The following TM4SF5 variants were observed in gnomAD, a reference collection of about 807,000 sequenced individuals.
TM4SF5 encodes transmembrane 4 L6 family member 5.
A neutral mutation model predicts 22.3 loss-of-function variants in TM4SF5; 16 were observed. The observed-to-expected ratio is 0.72, with a 90% CI of 0.49 to 1.09. TM4SF5 has a LOEUF of 1.09. Among genes scored for constraint, TM4SF5 ranks in the 50% least tolerant of loss-of-function variants. The probability of loss-of-function intolerance (pLI) is 0.00; values close to 1 mark genes in which losing one functional copy is unlikely to be tolerated. For synonymous variants in TM4SF5, 113 were observed against 109.6 expected, an observed-to-expected ratio of 1.03 and a Z score of -0.19; for missense variants, 249 against 266.1, an observed-to-expected ratio of 0.94 and a Z score of 0.45.
At chr17:4,776,544 C>A (rs150566256) in intron 1 of TM4SF5, among the ~76,000 whole-genome samples, 1 of 152,158 alleles carries the variant, frequency 6.6e-6, no homozygotes, top group Non-Finnish European at 1.5e-5. Context: ...TTAGGTGATC[C>A]GCCTGCCTCG....
At chr17:4,779,390 C>T (rs1187029746) in intron 1 of TM4SF5, among the ~76,000 whole-genome samples, 1 of 152,042 alleles carries the variant, frequency 6.6e-6, no homozygotes, top group Non-Finnish European at 1.5e-5. Flanking sequence ...GATCAAGCCA[C>T]TGCATTCCAG....
Position 4,772,092 on chromosome 17 carries a change from G to T in TM4SF5, c.170G>T (p.Gly57Val). 1.2e-6 allele frequency: 2 copies of T among 1,614,204 alleles called. No individual in the cohort carries two copies. The highest frequency in any genetic ancestry group is 1.7e-6 in the Non-Finnish European group (2 of 1,180,050). The change falls in exon 1 of 5, where the codon GGC becomes GTC. Residue 57 changes from glycine to valine, a missense_variant. Transcript: ENST00000270560. ...CTCATGGGCGGCTTCATTGGCGGGGGCCTAATGGTGAGAAGGCTGGCAGGG... is the reference window on the plus strand; with the variant it reads ...CTCATGGGCGGCTTCATTGGCGGGGTCCTAATGGTGAGAAGGCTGGCAGGG... ...VWLMGGFIGG[G>V]LMVLCPGIAA...
At chr17:4,776,227 T>C (rs567498830) in intron 1 of TM4SF5, among the ~76,000 whole-genome samples, 15 of 152,172 alleles carry the variant, frequency 9.9e-5, no homozygotes, top group Admixed American at 5.9e-4. Context: ...TTTTCTTTTT[T>C]TCTTATACAT....
chr17:4,782,081 C>G (rs1028847859), intron 2 of TM4SF5, among the ~76,000 whole-genome samples: 2 of 133,622 alleles, frequency 1.5e-5, no homozygotes, highest in Admixed American at 1.7e-4. Flanking sequence ...AAACAGAGTC[C>G]GAATTTCTAA....
intron 1 of TM4SF5, among the ~76,000 whole-genome samples, chr17:4,773,829 C>T (rs1435818127): frequency 6.6e-6 from 1 of 152,180 alleles, no homozygotes. Flanking sequence ...CCCATCTAAC[C>T]AGCTTGCTTC....
intron 1 of TM4SF5, 68 bp downstream of exon 1, chr17:4,772,167 G>A: frequency 1.3e-6 from 2 of 1,572,882 alleles, no homozygotes; most frequent in Non-Finnish European, 1.7e-6. Flanking sequence ...TGAACAGGAG[G>A]GAGAGGGAGA....
Position 4,771,969 on chromosome 17 carries a change from C to T in TM4SF5, c.47C>T (p.Thr16Ile). 1 of 1,614,210 alleles carries T rather than the reference C, an allele frequency of 6.2e-7. No individual in the cohort carries two copies. The highest frequency in any genetic ancestry group is 8.5e-7 in the Non-Finnish European group (1 of 1,180,038). The change falls in exon 1 of 5, where the codon ACC (threonine) becomes ATC (isoleucine). Residue 16 changes from threonine to isoleucine, a missense_variant. By Grantham distance (89) the Thr-to-Ile change is moderately conservative (BLOSUM62 -1). Transcript: ENST00000270560. ...CGCTGTGTGGGGCTCTCCCTCATTACCCTCTGCCTCGTCTGCATTGTGGCC... is the reference window on the plus strand; with the variant it reads ...CGCTGTGTGGGGCTCTCCCTCATTATCCTCTGCCTCGTCTGCATTGTGGCC... The part of the protein sequence containing the change: ...CARCVGLSLI[T>I]LCLVCIVANA...
intron 1 of TM4SF5, among the ~76,000 whole-genome samples, chr17:4,772,705 G>A (rs1597296083): frequency 6.7e-6 from 1 of 149,216 alleles, no homozygotes; most frequent in East Asian, 2.0e-4. Context: ...GTTGGTTTTT[G>A]TGTTTGTTTT....
chr17:4,772,430 T>C (rs1486165066), intron 1 of TM4SF5, among the ~76,000 whole-genome samples: 2 of 152,144 alleles, frequency 1.3e-5, no homozygotes, highest in African/African-American at 4.8e-5. Flanking sequence ...AAGGAGCAGC[T>C]GGTTGTCAGA....
intron 1 of TM4SF5, among the ~76,000 whole-genome samples, chr17:4,773,515 G>A (rs964059698): frequency 7.9e-5 from 12 of 152,138 alleles, no homozygotes; most frequent in Non-Finnish European, 1.5e-4. Context: ...AGGACAGTTG[G>A]CTAATGACAT....
chr17:4,782,364 C>T, intron 2 of TM4SF5, 139 bp from the exon 3 acceptor site: 3 of 1,024,232 alleles, frequency 2.9e-6, no homozygotes, highest in East Asian at 5.0e-5. Flanking sequence ...CAGGGGTGAG[C>T]CACCGCGCCC....
chr17:4,783,193 T>C lies in TM4SF5; in HGVS notation c.*65T>C. 1.2e-6 allele frequency: 2 copies of C among 1,606,942 alleles called. No homozygotes were observed. Among genetic ancestry groups the C allele is most frequent in the Non-Finnish European group, 1.7e-6 (2 of 1,175,052 alleles). ...ACGCTCACTCCCTTGCTCGCTAGAA[T>C]AAACTGCTTTGCGCTCTCTTCTCTG... On this transcript the variant is annotated 3_prime_UTR_variant, in exon 5 of 5. Transcript: ENST00000270560.
intron 3 of TM4SF5, 68 bp from the exon 4 acceptor site, chr17:4,782,785 CG>C: frequency 6.4e-7 from 1 of 1,574,238 alleles, no homozygotes; most frequent in Non-Finnish European, 8.6e-7. Flanking sequence ...TCCCCTGGGA[CG>C]TATTCTTGGG....
intron 1 of TM4SF5, among the ~76,000 whole-genome samples, chr17:4,778,741 C>T (rs1308008259): frequency 6.6e-6 from 1 of 152,070 alleles, no homozygotes; most frequent in Non-Finnish European, 1.5e-5. Context: ...GGCTTAAATG[C>T]CTTACAAGAG....
rs775628977 is a variant in TM4SF5, at chr17:4,783,140, C to G, written c.*12C>G. The G allele has an allele frequency of 4.3e-6, 7 of 1,613,772 alleles. No individual in the cohort carries two copies. Among genetic ancestry groups the G allele is most frequent in the Non-Finnish European group, 5.1e-6 (6 of 1,179,982 alleles). The stretch of plus-strand genomic sequence containing the variant: ...ACACACCTCACTGAGGCTCCACTGA[C>G]CGCCGGGTTACACCTGCTCCTTCCT... On this transcript the variant is annotated 3_prime_UTR_variant, in exon 5 of 5. Transcript: ENST00000270560.
At chr17:4,782,107 T>A (rs1288372596) in intron 2 of TM4SF5, among the ~76,000 whole-genome samples, 1 of 91,948 alleles carries the variant, frequency 1.1e-5, no homozygotes, top group Non-Finnish European at 2.6e-5. Flanking sequence ...TTTTTTTTTT[T>A]TCTTTTTGAG....
At chr17:4,779,380 G>A (rs376468021) in intron 1 of TM4SF5, among the ~76,000 whole-genome samples, 3 of 152,172 alleles carry the variant, frequency 2.0e-5, no homozygotes, top group African/African-American at 7.2e-5. Context: ...AGTCAGCCAC[G>A]ATCAAGCCAC....
At position 4,780,729 on chromosome 17, in the gene TM4SF5, T is replaced by G; in HGVS notation, c.178-60T>G. 8 of 1,444,978 alleles carry G rather than the reference T, an allele frequency of 5.5e-6. No homozygotes were observed. The South Asian group carries it at 1.0e-4, about 18-fold the overall frequency. The allele number at this position is 1,444,978 out of a possible 1,614,324, so 89.5% of individuals were successfully genotyped here. On this transcript the variant is annotated intron_variant, in intron 1 of 4. Coordinates refer to ENST00000270560, the MANE Select transcript of TM4SF5 (RefSeq NM_003963.3). ...GCTTCCTGAAGGAGGTAGGCACTGATGCAAGTCAGGCCTGGAGGATCTGGG... is the reference window on the plus strand; with the variant it reads ...GCTTCCTGAAGGAGGTAGGCACTGAGGCAAGTCAGGCCTGGAGGATCTGGG...
Position 4,771,945 on chromosome 17 carries a change from G to T in TM4SF5, c.23G>T (p.Arg8Leu), listed in dbSNP as rs201238612. The change falls in exon 1 of 5, where the codon CGC becomes CTC. Residue 8 changes from arginine (R) to leucine (L), a missense_variant. Physicochemically the swap from Arg to Leu is moderately radical, Grantham distance 102 (BLOSUM62 -2). Transcript: ENST00000270560. MCTGKCA[R>L]CVGLSLITLC... The stretch of plus-strand genomic sequence containing the variant: ...ACCATGTGTACGGGAAAATGTGCCC[G>T]CTGTGTGGGGCTCTCCCTCATTACC... 27 of 1,614,032 alleles carry T rather than the reference G, an allele frequency of 1.7e-5. No homozygotes were observed. In the East Asian group the frequency reaches 2.5e-4, roughly 15 times the overall value.
Sources: gnomAD v4.1 joint callset for allele counts (sites outside exome capture counted in the v4.1 genomes callset) on GRCh38, gnomAD v4.1.1 for gene constraint, MANE v1.5 for transcripts, NCBI Gene and HGNC (gene_info 2026-07-23, HGNC 2026-07-21) for gene names.